SLC9A9: variants seen among roughly 807,000 people sequenced by gnomAD.
SLC9A9 encodes solute carrier family 9 member A9, also known as sodium/hydrogen exchanger 9.
In SLC9A9, 62 loss-of-function variants were observed where a neutral mutation model predicts 77.8. The observed-to-expected ratio is 0.80, with a 90% CI of 0.65 to 0.98. The LOEUF is 0.98. Among genes scored for constraint, SLC9A9 ranks in the 50% least tolerant of loss-of-function variants. The pLI is 0.00. For missense variants in SLC9A9, 775 were observed against 774.9 expected, an observed-to-expected ratio of 1.00 and a Z score of 0.00; for synonymous variants, 320 against 283.5, an observed-to-expected ratio of 1.13 and a Z score of -1.29.
rs1559845957 is a variant in SLC9A9, at chr3:143,268,872, T to A, written c.1710+3A>T. The A allele has an allele frequency of 6.2e-7, 1 of 1,608,170 alleles. No homozygotes were observed. On this transcript the variant is annotated splice_donor_region_variant and intron_variant, in intron 15 of 15. Transcript: ENST00000316549. ...TCACCCTAGAGGCCTGAGATTTACT[T>A]ACCCCATAGGCTTGAGGACTGGTAA...
chr3:143,698,880 A>C (rs149613141), intron 4 of SLC9A9, among the ~76,000 whole-genome samples: 8 of 152,352 alleles, frequency 5.3e-5, no homozygotes, highest in South Asian at 2.1e-4. Context: ...GAAATAGGCC[A>C]CTGTGTACAG....
chr3:143,704,705 A>C (rs1389989127), intron 4 of SLC9A9, among the ~76,000 whole-genome samples: 2 of 152,148 alleles, frequency 1.3e-5, no homozygotes, highest in African/African-American at 4.8e-5. Context: ...GGATTAAAAA[A>C]AATGTGGCTT....
chr3:143,821,302 T>G (rs2009160581), intron 2 of SLC9A9, among the ~76,000 whole-genome samples: 1 of 152,192 alleles, frequency 6.6e-6, no homozygotes, highest in Non-Finnish European at 1.5e-5. Flanking sequence ...AGACTAATAT[T>G]TATAACTTGC....
intron 6 of SLC9A9, among the ~76,000 whole-genome samples, chr3:143,648,062 T>G (rs2038733152): frequency 6.6e-6 from 1 of 152,170 alleles, no homozygotes; most frequent in Non-Finnish European, 1.5e-5. Flanking sequence ...TAAATAAGGG[T>G]AGAAATTATA....
rs2037594636 is a variant in SLC9A9, at chr3:143,588,607, A to T, written c.756-9884T>A. On this transcript the variant is annotated intron_variant, in intron 6 of 15. Coordinates refer to ENST00000316549, the MANE Select transcript of SLC9A9 (RefSeq NM_173653.4). ...AATTATATGTGCATTTTCTTTGAAA[A>T]GAGATCTTAAATTACTTTCCAATTT... Among the ~76,000 whole-genome samples, 3 of 152,252 alleles carry T rather than the reference A, an allele frequency of 2.0e-5. No individual in the cohort carries two copies. In the South Asian group the frequency reaches 6.2e-4, roughly 31 times the overall value.
chr3:143,379,130 AG>A (rs1323346802), intron 13 of SLC9A9, among the ~76,000 whole-genome samples: 1 of 152,092 alleles, frequency 6.6e-6, no homozygotes, highest in Non-Finnish European at 1.5e-5. Context: ...GTAAGTAAGA[AG>A]GGTTTCTGTG....
At chr3:143,800,971 C>T (rs2008536235) in intron 2 of SLC9A9, among the ~76,000 whole-genome samples, 1 of 152,214 alleles carries the variant, frequency 6.6e-6, no homozygotes, top group Admixed American at 6.5e-5. Flanking sequence ...TACAAAACAA[C>T]AACTCCTTTC....
chr3:143,528,698 T>C (rs138285543), intron 9 of SLC9A9, among the ~76,000 whole-genome samples: 1 of 152,136 alleles, frequency 6.6e-6, no homozygotes, highest in African/African-American at 2.4e-5. Context: ...AGCAATTTCA[T>C]ATGGTCTGAT....
At chr3:143,818,557 T>A (rs1325378736) in intron 2 of SLC9A9, among the ~76,000 whole-genome samples, 1 of 152,072 alleles carries the variant, frequency 6.6e-6, no homozygotes, top group African/African-American at 2.4e-5. Flanking sequence ...TCCACCGGCC[T>A]CAGCCTCCCA....
Position 143,789,311 on chromosome 3 carries a change from A to G in SLC9A9, c.533+5690T>C, listed in dbSNP as rs140321275. Among the ~76,000 whole-genome samples, 35 of 152,312 alleles carry G rather than the reference A, an allele frequency of 2.3e-4. No individual in the cohort carries two copies. In the East Asian group the frequency reaches 5.4e-3, roughly 24 times the overall value. ...CACCGTCCTGACTTTCTCTTTGCCC[A>G]GGCTCTTGAAAAACATACTAATTCT... On this transcript the variant is annotated intron_variant, in intron 4 of 15. Coordinates refer to ENST00000316549, the MANE Select transcript of SLC9A9 (RefSeq NM_173653.4).
intron 12 of SLC9A9, among the ~76,000 whole-genome samples, chr3:143,419,360 A>T (rs2108526176): frequency 6.6e-6 from 1 of 152,318 alleles, no homozygotes; most frequent in African/African-American, 2.4e-5. Context: ...TCAGAGCTAG[A>T]ATTCAACCCA....
At chr3:143,399,296 C>A (rs1333777662) in intron 12 of SLC9A9, among the ~76,000 whole-genome samples, 3 of 152,126 alleles carry the variant, frequency 2.0e-5, no homozygotes, top group African/African-American at 7.2e-5. Context: ...AAGTAAATCA[C>A]TAGAAAAATA....
intron 14 of SLC9A9, among the ~76,000 whole-genome samples, chr3:143,315,822 T>G: frequency 6.6e-6 from 1 of 152,202 alleles, no homozygotes; most frequent in East Asian, 1.9e-4. Flanking sequence ...TGTGTATTAA[T>G]TGTGGAATGG....
intron 9 of SLC9A9, among the ~76,000 whole-genome samples, chr3:143,548,285 G>C (rs1191712735): frequency 1.3e-5 from 2 of 152,102 alleles, no homozygotes; most frequent in African/African-American, 4.8e-5. Flanking sequence ...AAGCTCCCAG[G>C]CCTGTCTGGG....
intron 5 of SLC9A9, among the ~76,000 whole-genome samples, chr3:143,687,440 G>A (rs1216672460): frequency 6.6e-6 from 1 of 152,084 alleles, no homozygotes; most frequent in Non-Finnish European, 1.5e-5. Flanking sequence ...AGCAGAGAGT[G>A]GGTTCGGCAT....
chr3:143,308,322 A>G (rs1448570993), intron 14 of SLC9A9, among the ~76,000 whole-genome samples: 1 of 152,144 alleles, frequency 6.6e-6, no homozygotes, highest in Admixed American at 6.5e-5. Flanking sequence ...CACGCCTGTA[A>G]TCCTAGCACT....
chr3:143,438,511 G>A (rs1241849848), intron 12 of SLC9A9, among the ~76,000 whole-genome samples: 1 of 152,184 alleles, frequency 6.6e-6, no homozygotes, highest in Non-Finnish European at 1.5e-5. Context: ...TCCAGCCTGA[G>A]AAATCTAGTC....
At chr3:143,290,368 T>G (rs16853354) in intron 14 of SLC9A9, among the ~76,000 whole-genome samples, 16,264 of 152,256 alleles carry the variant, frequency 0.11, 1,058 homozygotes, top group East Asian at 0.27. Context: ...TTAATATAGT[T>G]GCTTCCATAG....
chr3:143,811,835 C>A, intron 2 of SLC9A9: 1 of 366,726 alleles, frequency 2.7e-6, no homozygotes, highest in Non-Finnish European at 5.3e-6. Flanking sequence ...ACACTCCAGG[C>A]TGGGTGACAG....
Sources: allele counts gnomAD v4.1 joint callset (sites outside exome capture counted in the v4.1 genomes callset), GRCh38; gene constraint gnomAD v4.1.1; transcripts MANE v1.5; gene names NCBI Gene and HGNC (gene_info 2026-07-23, HGNC 2026-07-21).